The following SERF2 variants were observed in gnomAD, a reference collection of about 807,000 sequenced individuals.
The protein encoded by SERF2 is gastric cancer-related protein VRG107.
In SERF2, 4 loss-of-function variants were observed where a neutral mutation model predicts 10.7. The ratio of observed to expected loss-of-function variants is 0.37; its 90% CI spans 0.18 to 0.86. The LOEUF (loss-of-function observed/expected upper bound fraction) is 0.86. SERF2 is among the 40% of genes least tolerant of loss of function. SERF2 has a pLI of 0.43. For synonymous variants in SERF2, 26 were observed against 26.0 expected, an observed-to-expected ratio of 1.00 and a Z score of 0.01; for missense variants, 47 against 79.1, an observed-to-expected ratio of 0.59 and a Z score of 1.54.
Position 43,795,319 on chromosome 15 carries a change from G to A in SERF2, c.*1546G>A, listed in dbSNP as rs1567170382. The A allele has an allele frequency of 7.5e-6, 12 of 1,597,428 alleles. No individual in the cohort carries two copies. Among genetic ancestry groups the A allele is most frequent in the Non-Finnish European group, 1.0e-5 (12 of 1,165,586 alleles). On this transcript the variant is annotated 3_prime_UTR_variant, in exon 3 of 3. Transcript: ENST00000249786. ...GGCAGACCCATGTGTGTCTGGAATG[G>A]CCTTGAATTGCTCTTTCCTTAAAAT...
chr15:43,785,736 T>A (rs1450123759), intron 2 of SERF2, among the ~76,000 whole-genome samples: 1 of 149,378 alleles, frequency 6.7e-6, no homozygotes, highest in East Asian at 2.0e-4. Flanking sequence ...GACAGATACT[T>A]GCTCTGTCAC....
At chr15:43,777,217 CA>C (rs2086927674) in exon 1 of SERF2, 2 of 549,626 alleles carry the variant, frequency 3.6e-6, no homozygotes. Flanking sequence ...TCTGACCTCT[CA>C]CTCAGAGTCC....
In SERF2 at chr15:43,795,207, C is replaced by T; in HGVS notation, c.*1434C>T. 2 of 1,614,076 alleles carry T rather than the reference C, an allele frequency of 1.2e-6. No homozygotes were observed. Among genetic ancestry groups the T allele is most frequent in the South Asian group, 1.1e-5 (1 of 91,064 alleles). On this transcript the variant is annotated 3_prime_UTR_variant, in exon 3 of 3. Coordinates refer to ENST00000249786, the MANE Select transcript of SERF2 (RefSeq NM_001018108.4). ...TGAAGGTCTTTTCCAGTTCTGCTCCCTCATAGCTGTGTAACCAAAGGCTCT... is the reference window on the plus strand; with the variant it reads ...TGAAGGTCTTTTCCAGTTCTGCTCCTTCATAGCTGTGTAACCAAAGGCTCT...
rs1567167253 is a variant in SERF2, at chr15:43,792,395, GC to G, written c.7+17del. 1 of 1,613,878 alleles carries G rather than the reference GC, an allele frequency of 6.2e-7. No homozygotes were observed. Among genetic ancestry groups the G allele is most frequent in the South Asian group, 1.1e-5 (1 of 91,070 alleles). Reference sequence around the variant, plus strand: ...CGTCGCCATGACCCGTGAGCACCGAGCCCCCTTCTCCTTGCCCTTTTCTTTC... The same window carrying G: ...CGTCGCCATGACCCGTGAGCACCGAGCCCCTTCTCCTTGCCCTTTTCTTTC... On this transcript the variant is annotated intron_variant, in intron 1 of 2. Coordinates refer to ENST00000249786, the MANE Select transcript of SERF2 (RefSeq NM_001018108.4).
At chr15:43,792,655 A>C (rs1596039669) in intron 1 of SERF2, 1 of 1,360,998 alleles carries the variant, frequency 7.3e-7, no homozygotes. Flanking sequence ...CAGAGCCCCC[A>C]CTCCACAAGC....
chr15:43,779,005 C>T (rs553369372), intron 1 of SERF2, among the ~76,000 whole-genome samples: 1 of 152,194 alleles, frequency 6.6e-6, no homozygotes, highest in Non-Finnish European at 1.5e-5. Flanking sequence ...TAGCATGTTC[C>T]ATGTTGACGG....
At chr15:43,785,101 C>T (rs543728136) in intron 1 of SERF2, among the ~76,000 whole-genome samples, 2 of 146,638 alleles carry the variant, frequency 1.4e-5, no homozygotes, top group East Asian at 4.0e-4. Flanking sequence ...CAGAGTCTCA[C>T]TCTGCTGCCC....
At chr15:43,789,944 C>T (rs2087039014), upstream of SERF2, among the ~76,000 whole-genome samples, 1 of 152,026 alleles carries the variant, frequency 6.6e-6, no homozygotes, top group Non-Finnish European at 1.5e-5. Flanking sequence ...AGTTTGAGAC[C>T]AGCCTGACCA....
intron 1 of SERF2, among the ~76,000 whole-genome samples, chr15:43,784,804 G>A (rs989067164): frequency 1.3e-5 from 2 of 151,144 alleles, no homozygotes; most frequent in African/African-American, 4.9e-5. Context: ...CCAAGTTGGA[G>A]TGTAATGACT....
At chr15:43,782,819 C>T (rs2086974662) in intron 1 of SERF2, among the ~76,000 whole-genome samples, 1 of 151,970 alleles carries the variant, frequency 6.6e-6, no homozygotes. Context: ...TGAGACTTTG[C>T]ATACCTTTAT....
In SERF2 at chr15:43,794,926, G is replaced by T; in HGVS notation, c.*1153G>T. On this transcript the variant is annotated 3_prime_UTR_variant, in exon 3 of 3. Transcript: ENST00000249786. ...TCCCTGTGTGTCCTTGAGGTATTGA[G>T]CTGGGCTGGACAGCTCCCCTTGAGC... 2 of 1,160,788 alleles carry T rather than the reference G, an allele frequency of 1.7e-6. No homozygotes were observed. Among genetic ancestry groups the T allele is most frequent in the Non-Finnish European group, 2.5e-6 (2 of 810,530 alleles). The allele number at this position is 1,160,788 out of a possible 1,614,324, so 71.9% of individuals were successfully genotyped here. A position where few individuals can be genotyped will look rare whatever the true frequency, so the allele number is the denominator to read the frequency against.
chr15:43,788,940 G>C (rs1362040944), upstream of SERF2, among the ~76,000 whole-genome samples: 1 of 152,040 alleles, frequency 6.6e-6, no homozygotes, highest in Admixed American at 6.6e-5. Flanking sequence ...ACAAGGTCAG[G>C]AGATCGAGAC....
upstream of SERF2, among the ~76,000 whole-genome samples, chr15:43,788,392 C>T (rs560482633): frequency 1.3e-5 from 2 of 152,336 alleles, no homozygotes; most frequent in Non-Finnish European, 2.9e-5. Context: ...TCCCAAAGTG[C>T]TGGGATTACA....
intron 1 of SERF2, among the ~76,000 whole-genome samples, chr15:43,780,441 G>C (rs1042084035): frequency 6.6e-6 from 1 of 152,196 alleles, no homozygotes; most frequent in Non-Finnish European, 1.5e-5. Context: ...CGCGCCCTGC[G>C]ATCTTGACTG....
At chr15:43,777,108 G>T (rs541077561) in exon 1 of SERF2, 1 of 802,514 alleles carries the variant, frequency 1.2e-6, no homozygotes. Context: ...CCGGCCAACC[G>T]CCCGGACCTC....
rs1194276056 is a variant in SERF2, at chr15:43,795,777, T to C, written c.*2004T>C. The C allele has an allele frequency of 6.3e-7, 1 of 1,596,532 alleles. No homozygotes were observed. Among genetic ancestry groups the C allele is most frequent in the Non-Finnish European group, 8.6e-7 (1 of 1,168,364 alleles). On this transcript the variant is annotated 3_prime_UTR_variant, in exon 3 of 3. Coordinates refer to ENST00000249786, the MANE Select transcript of SERF2 (RefSeq NM_001018108.4). ...CAGGTTTTGGAATGGTCTTAAAAGA[T>C]GTGAGGGTGTTAATCTAGGAAACTT...
chr15:43,795,205 C>G lies in SERF2; in HGVS notation c.*1432C>G. 6.2e-7 allele frequency: 1 copy of G among 1,614,040 alleles called. No individual in the cohort carries two copies. The highest frequency in any genetic ancestry group is 1.3e-5 in the African/African-American group (1 of 75,006). On this transcript the variant is annotated 3_prime_UTR_variant, in exon 3 of 3. Coordinates refer to ENST00000249786, the MANE Select transcript of SERF2 (RefSeq NM_001018108.4). ...GATGAAGGTCTTTTCCAGTTCTGCT[C>G]CCTCATAGCTGTGTAACCAAAGGCT...
chr15:43,783,308 C>G (rs2086979313), intron 1 of SERF2, among the ~76,000 whole-genome samples: 1 of 139,950 alleles, frequency 7.1e-6, no homozygotes, highest in South Asian at 2.3e-4. Context: ...GCCTGGCCAA[C>G]TTTTTTTTTG....
upstream of SERF2, among the ~76,000 whole-genome samples, chr15:43,789,053 C>G (rs62018953): frequency 2.6e-5 from 4 of 151,406 alleles, no homozygotes; most frequent in East Asian, 3.9e-4. Context: ...GGAGGCTGAG[C>G]CAGGAGAATG....
Sources: allele counts gnomAD v4.1 joint callset (sites outside exome capture counted in the v4.1 genomes callset), GRCh38; gene constraint gnomAD v4.1.1; transcripts MANE v1.5; gene names NCBI Gene and HGNC (gene_info 2026-07-23, HGNC 2026-07-21).